CTNNA2: variants seen among roughly 807,000 people sequenced by gnomAD.
CTNNA2 encodes catenin alpha 2.
CTNNA2 carries 42 observed loss-of-function variants against 101.0 expected under a neutral mutation model. The observed-to-expected ratio is 0.42, with a 90% CI of 0.32 to 0.54. The LOEUF (loss-of-function observed/expected upper bound fraction) is 0.54. Among genes scored for constraint, CTNNA2 ranks in the 20% least tolerant of loss-of-function variants. The pLI, the probability that CTNNA2 is intolerant of heterozygous loss-of-function variation, is 0.14. For synonymous variants in CTNNA2, 450 were observed against 456.4 expected, an observed-to-expected ratio of 0.99 and a Z score of 0.18; for missense variants, 871 against 1,223.1, an observed-to-expected ratio of 0.71 and a Z score of 4.29.
intron 7 of CTNNA2, among the ~76,000 whole-genome samples, chr2:80,111,511 C>T (rs1004779912): frequency 1.3e-5 from 2 of 152,164 alleles, no homozygotes; most frequent in Non-Finnish European, 2.9e-5. Flanking sequence ...CTTCCCTTTA[C>T]CTATGAAGGG....
intron 4 of CTNNA2, among the ~76,000 whole-genome samples, chr2:79,453,843 G>C (rs940888566): frequency 1.3e-5 from 2 of 152,046 alleles, no homozygotes; most frequent in Non-Finnish European, 2.9e-5. Context: ...AGGCCATAGA[G>C]ACAAAAACAG....
intron 7 of CTNNA2, chr2:80,163,083 A>G: frequency 6.3e-7 from 1 of 1,576,382 alleles, no homozygotes; most frequent in African/African-American, 1.3e-5. Context: ...TTTGAAATTC[A>G]CAAACGCAAA....
At chr2:80,483,279 A>C (rs1686289055) in intron 9 of CTNNA2, among the ~76,000 whole-genome samples, 1 of 151,670 alleles carries the variant, frequency 6.6e-6, no homozygotes, top group Non-Finnish European at 1.5e-5. Flanking sequence ...AAAAGTGTAC[A>C]TGTTTCTATT....
At chr2:79,972,397 A>T (rs1161714189) in intron 7 of CTNNA2, among the ~76,000 whole-genome samples, 1 of 152,176 alleles carries the variant, frequency 6.6e-6, no homozygotes, top group Non-Finnish European at 1.5e-5. Context: ...CATGCTGCAC[A>T]TTGGAAAATT....
At chr2:79,548,885 C>T (rs1371851426) in intron 1 of CTNNA2, among the ~76,000 whole-genome samples, 2 of 152,182 alleles carry the variant, frequency 1.3e-5, no homozygotes, top group East Asian at 3.9e-4. Context: ...TTCTCCATGT[C>T]ACTCTGTTCA....
chr2:80,596,276 G>GTTTT (rs1257706829), intron 15 of CTNNA2, among the ~76,000 whole-genome samples: 3 of 52,268 alleles, frequency 5.7e-5, no homozygotes, highest in Non-Finnish European at 1.2e-4. Context: ...CTGAGACAAG[G>GTTTT]TTGTTTTTTT....
intron 7 of CTNNA2, among the ~76,000 whole-genome samples, chr2:80,162,042 T>C (rs1177391389): frequency 6.6e-6 from 1 of 152,186 alleles, no homozygotes; most frequent in Non-Finnish European, 1.5e-5. Flanking sequence ...AAAAGTTTCA[T>C]TTTTGAATTA....
At chr2:79,635,158 A>G (rs17017375) in intron 1 of CTNNA2, among the ~76,000 whole-genome samples, 6,150 of 152,272 alleles carry the variant, frequency 0.04, 398 homozygotes, top group African/African-American at 0.14. Flanking sequence ...ATGGTTGTCA[A>G]TCAGGTGCTG....
chr2:80,371,423 T>G (rs1022910246), intron 7 of CTNNA2, among the ~76,000 whole-genome samples: 11 of 152,208 alleles, frequency 7.2e-5, no homozygotes, highest in African/African-American at 2.4e-4. Context: ...TATAGTAGTA[T>G]TATGAATAGC....
chr2:80,056,065 A>G (rs925617466), intron 7 of CTNNA2, among the ~76,000 whole-genome samples: 2 of 152,210 alleles, frequency 1.3e-5, no homozygotes, highest in Non-Finnish European at 2.9e-5. Flanking sequence ...GTCTGGATGC[A>G]TGGGTCACAG....
intron 3 of CTNNA2, among the ~76,000 whole-genome samples, chr2:79,771,907 A>G (rs1673613457): frequency 6.6e-6 from 1 of 152,188 alleles, no homozygotes; most frequent in Non-Finnish European, 1.5e-5. Context: ...TTTTATGGCT[A>G]TGATCACAGC....
At chr2:79,728,593 G>T (rs371093722) in intron 2 of CTNNA2, among the ~76,000 whole-genome samples, 111 of 152,234 alleles carry the variant, frequency 7.3e-4, no homozygotes, top group African/African-American at 2.6e-3. Flanking sequence ...GATCCCATTT[G>T]TCAATTTTGG....
At position 80,083,659 on chromosome 2, in the gene CTNNA2, C is replaced by T. The variant is rs552244497; in HGVS notation, c.1056+173862C>T. On this transcript the variant is annotated intron_variant, in intron 7 of 18. Transcript: ENST00000402739. ...ATTTTTGAGAACTTTGTCAGAGTCACCAGCCTTGCTGGAATATTCTTACTT... is the reference window on the plus strand; with the variant it reads ...ATTTTTGAGAACTTTGTCAGAGTCATCAGCCTTGCTGGAATATTCTTACTT... Among the ~76,000 whole-genome samples, 25 of 152,236 alleles carry T rather than the reference C, an allele frequency of 1.6e-4. No individual in the cohort carries two copies. In the South Asian group the frequency reaches 5.2e-3, roughly 32 times the overall value.
chr2:80,044,303 A>G (rs926167300), intron 7 of CTNNA2, among the ~76,000 whole-genome samples: 1 of 152,150 alleles, frequency 6.6e-6, no homozygotes, highest in African/African-American at 2.4e-5. Flanking sequence ...TACTTGAACT[A>G]TAGGTTTTTG....
At chr2:79,825,110 G>T (rs909372548) in intron 3 of CTNNA2, among the ~76,000 whole-genome samples, 1 of 152,140 alleles carries the variant, frequency 6.6e-6, no homozygotes, top group African/African-American at 2.4e-5. Flanking sequence ...GAACGCTTGA[G>T]CCCAGGAGTT....
chr2:79,417,379 T>A (rs1029703398), intron 4 of CTNNA2, among the ~76,000 whole-genome samples: 1 of 152,178 alleles, frequency 6.6e-6, no homozygotes, highest in African/African-American at 2.4e-5. Flanking sequence ...AGGCAAATTC[T>A]TCTTTTAAAG....
At chr2:80,495,488 G>A (rs1407018279) in intron 9 of CTNNA2, among the ~76,000 whole-genome samples, 1 of 152,146 alleles carries the variant, frequency 6.6e-6, no homozygotes, top group African/African-American at 2.4e-5. Context: ...ACCAAAAAAA[G>A]AAAAGGAAGA....
chr2:80,182,430 T>G (rs1179725164), intron 7 of CTNNA2, among the ~76,000 whole-genome samples: 2 of 152,186 alleles, frequency 1.3e-5, no homozygotes, highest in African/African-American at 4.8e-5. Context: ...ACTCAAGTAT[T>G]AATCTCCTTT....
intron 1 of CTNNA2, among the ~76,000 whole-genome samples, chr2:79,194,103 G>A (rs1673926944): frequency 6.6e-6 from 1 of 152,138 alleles, no homozygotes; most frequent in South Asian, 2.1e-4. Context: ...AACGTAAATT[G>A]TTTGTGAAAA....
Sources: gnomAD v4.1 joint callset for allele counts (sites outside exome capture counted in the v4.1 genomes callset) on GRCh38, gnomAD v4.1.1 for gene constraint, MANE v1.5 for transcripts, NCBI Gene and HGNC (gene_info 2026-07-23, HGNC 2026-07-21) for gene names.